The following ST8SIA6 variants were observed in gnomAD, a reference collection of about 807,000 sequenced individuals.
The protein encoded by ST8SIA6 is alpha-2,8-sialyltransferase 8F.
In ST8SIA6, 39 loss-of-function variants were observed where a neutral mutation model predicts 33.6. The observed-to-expected ratio is 1.16, with a 90% CI of 0.90 to 1.52. The LOEUF is 1.52. ST8SIA6 is among the 40% of genes most tolerant of loss of function. The pLI is 0.00. For synonymous variants in ST8SIA6, 172 were observed against 167.2 expected, an observed-to-expected ratio of 1.03 and a Z score of -0.22; for missense variants, 441 against 443.8, an observed-to-expected ratio of 0.99 and a Z score of 0.06.
At chr10:17,404,064 CAAAAAAAAA>C (rs964237726) in intron 2 of ST8SIA6, among the ~76,000 whole-genome samples, 1 of 56,592 alleles carries the variant, frequency 1.8e-5, no homozygotes, top group African/African-American at 6.2e-5. Flanking sequence ...GACACTGTCT[CAAAAAAAAA>C]AAAAAAAAAA....
chr10:17,390,687 A>G, intron 2 of ST8SIA6, 67 bp from the exon 3 acceptor site: 1 of 1,302,624 alleles, frequency 7.7e-7, no homozygotes, highest in African/African-American at 1.5e-5. Flanking sequence ...ATTGTTAACA[A>G]AAATCAGATT....
At chr10:17,392,704 C>G (rs1255763882) in intron 2 of ST8SIA6, among the ~76,000 whole-genome samples, 1 of 152,156 alleles carries the variant, frequency 6.6e-6, no homozygotes, top group Non-Finnish European at 1.5e-5. Context: ...TAGGAGAGAG[C>G]TGATGGCAAC....
rs1466154038 is a variant in ST8SIA6, at chr10:17,346,454, C to T, written c.377+13060G>A. ...ACAACAATTTCAAAAATTAGCTGGG[C>T]TTGGTGGCATGCTCCTATAGTCCCA... On this transcript the variant is annotated intron_variant, in intron 4 of 7. Transcript: ENST00000377602. Among the ~76,000 whole-genome samples, 9 of 152,222 alleles carry T rather than the reference C, an allele frequency of 5.9e-5. No individual in the cohort carries two copies. The South Asian group carries it at 1.9e-3, about 32-fold the overall frequency.
chr10:17,368,232 CAAAA>C (rs61426907), intron 3 of ST8SIA6, among the ~76,000 whole-genome samples: 1,015 of 74,118 alleles, frequency 0.014, 2 homozygotes, highest in Non-Finnish European at 0.017. Context: ...CCTGTCTCTA[CAAAA>C]AAAAAAAAAA....
chr10:17,436,230 T>C (rs548253033), intron 2 of ST8SIA6, among the ~76,000 whole-genome samples: 9 of 152,306 alleles, frequency 5.9e-5, no homozygotes, highest in African/African-American at 2.2e-4. Flanking sequence ...TGTTTGGCTG[T>C]GTCCCCACCC....
At chr10:17,452,811 T>C in intron 2 of ST8SIA6, among the ~76,000 whole-genome samples, 1 of 152,012 alleles carries the variant, frequency 6.6e-6, no homozygotes, top group East Asian at 1.9e-4. Flanking sequence ...TAATGACAGG[T>C]ATAGGTCTAG....
intron 3 of ST8SIA6, among the ~76,000 whole-genome samples, chr10:17,383,265 T>A (rs1440245869): frequency 6.6e-6 from 1 of 152,222 alleles, no homozygotes; most frequent in African/African-American, 2.4e-5. Flanking sequence ...CAATTATGTC[T>A]TTTTCTAATC....
At chr10:17,398,676 A>G (rs1283156582) in intron 2 of ST8SIA6, among the ~76,000 whole-genome samples, 2 of 152,238 alleles carry the variant, frequency 1.3e-5, no homozygotes, top group East Asian at 1.9e-4. Flanking sequence ...CTCTGAAGAA[A>G]GAATGTTTTA....
intron 3 of ST8SIA6, among the ~76,000 whole-genome samples, chr10:17,371,930 T>C (rs1482924929): frequency 6.6e-6 from 1 of 152,138 alleles, no homozygotes; most frequent in Non-Finnish European, 1.5e-5. Flanking sequence ...ATGCTCCTTA[T>C]ATACAAGAGT....
At chr10:17,393,188 C>G (rs1183344717) in intron 2 of ST8SIA6, among the ~76,000 whole-genome samples, 1 of 152,154 alleles carries the variant, frequency 6.6e-6, no homozygotes, top group Non-Finnish European at 1.5e-5. Flanking sequence ...ACACTGTTGG[C>G]CCCATGGTTT....
chr10:17,383,331 G>T (rs1319645198), intron 3 of ST8SIA6, among the ~76,000 whole-genome samples: 1 of 151,904 alleles, frequency 6.6e-6, no homozygotes, highest in East Asian at 1.9e-4. Context: ...ACATAATTTG[G>T]CTTATTTGGT....
intron 3 of ST8SIA6, among the ~76,000 whole-genome samples, chr10:17,380,779 GTTTGTGTGTATGTGTACA>G (rs1850107536): frequency 7.0e-6 from 1 of 143,880 alleles, no homozygotes; most frequent in East Asian, 2.5e-4. Flanking sequence ...ATGTGTTCAT[GTTTGTGTGTATGTGTACA>G]TGTTTGTGTG....
At chr10:17,359,698 A>G (rs1849321474) in intron 3 of ST8SIA6, 98 bp from the exon 4 acceptor site, 1 of 614,776 alleles carries the variant, frequency 1.6e-6, no homozygotes, top group Middle Eastern at 4.2e-4. Context: ...GTCTATAAAT[A>G]TTTTTTGATA....
chr10:17,331,889 G>A (rs117409107), intron 4 of ST8SIA6, among the ~76,000 whole-genome samples: 5,122 of 152,186 alleles, frequency 0.034, 111 homozygotes, highest in South Asian at 0.098. Context: ...CTATTAACCC[G>A]TCATCTAGGT....
At chr10:17,403,344 C>A (rs1250032294) in intron 2 of ST8SIA6, among the ~76,000 whole-genome samples, 1 of 152,210 alleles carries the variant, frequency 6.6e-6, no homozygotes, top group Admixed American at 6.5e-5. Flanking sequence ...AGATTGAAAA[C>A]AAGTTGCAAA....
chr10:17,340,142 G>A (rs1848626185), intron 4 of ST8SIA6, among the ~76,000 whole-genome samples: 1 of 152,178 alleles, frequency 6.6e-6, no homozygotes, highest in Admixed American at 6.5e-5. Context: ...ATGTCGATAT[G>A]TTCAGTTCTT....
rs114627134 is a variant in ST8SIA6 at position 17,422,145 on chromosome 10, A to G, written c.200+31414T>C. 8.1e-3 allele frequency among the ~76,000 whole-genome samples: 1,233 copies of G among 152,336 alleles called. 21 individuals carry two copies. Among genetic ancestry groups the G allele is most frequent in the African/African-American group, 0.028 (1,183 of 41,588 alleles). On this transcript the variant is annotated intron_variant, in intron 2 of 7. Coordinates refer to ENST00000377602, the MANE Select transcript of ST8SIA6 (RefSeq NM_001004470.3). ...TAATCAAGAGAACAATCTTTAAGCC[A>G]ATAGAAACAGTCTTTAATCACGCTA...
intron 2 of ST8SIA6, among the ~76,000 whole-genome samples, chr10:17,426,969 G>T (rs1044612523): frequency 2.0e-5 from 3 of 152,138 alleles, no homozygotes; most frequent in Admixed American, 2.0e-4. Context: ...AGGCATGGTG[G>T]TGTGCACCTG....
At chr10:17,400,255 A>G (rs1850986718) in intron 2 of ST8SIA6, among the ~76,000 whole-genome samples, 1 of 152,196 alleles carries the variant, frequency 6.6e-6, no homozygotes, top group Non-Finnish European at 1.5e-5. Context: ...TGATCTGGCC[A>G]GGTGCATTGG....
Sources: allele counts gnomAD v4.1 joint callset (sites outside exome capture counted in the v4.1 genomes callset), GRCh38; gene constraint gnomAD v4.1.1; transcripts MANE v1.5; gene names NCBI Gene and HGNC (gene_info 2026-07-23, HGNC 2026-07-21).